The following RXRA variants were observed in gnomAD, a reference collection of about 807,000 sequenced individuals.
RXRA encodes retinoid X receptor alpha, also known as retinoic acid receptor RXR-alpha.
In RXRA, 5 loss-of-function variants were observed where a neutral mutation model predicts 44.5. The ratio of observed to expected loss-of-function variants is 0.11; its 90% CI spans 0.06 to 0.24. The LOEUF is 0.24. Ranked by LOEUF, RXRA falls within the 10% of genes least tolerant of loss-of-function variation. The pLI is 1.00. For missense variants in RXRA, 412 were observed against 646.5 expected, an observed-to-expected ratio of 0.64 and a Z score of 3.93; for synonymous variants, 291 against 271.4, an observed-to-expected ratio of 1.07 and a Z score of -0.71.
intron 1 of RXRA, among the ~76,000 whole-genome samples, chr9:134,352,407 T>G (rs1554749588): frequency 6.6e-6 from 1 of 152,020 alleles, no homozygotes; most frequent in Non-Finnish European, 1.5e-5. Context: ...CCACAATCCT[T>G]CCCTGCTTCT....
At chr9:134,338,364 GT>G (rs1830038669) in intron 1 of RXRA, among the ~76,000 whole-genome samples, 1 of 152,244 alleles carries the variant, frequency 6.6e-6, no homozygotes. Context: ...GCCTCCTCAT[GT>G]CAGGGTGCCC....
intron 2 of RXRA, chr9:134,402,173 A>G (rs1830974346): frequency 6.3e-6 from 3 of 477,940 alleles, no homozygotes; most frequent in African/African-American, 2.0e-5. Flanking sequence ...CCCTGTTCCC[A>G]TGACTGGGGG....
rs369923168 is a variant in RXRA, at chr9:134,424,321, G to A, written c.910+2516G>A. 10 of 985,386 alleles carry A rather than the reference G, an allele frequency of 1.0e-5. No homozygotes were observed. The African/African-American group carries it at 1.6e-4, about 15-fold the overall frequency. 61.0% of individuals were successfully genotyped at this position (985,386 alleles called of 1,614,324 possible). A position where few individuals can be genotyped will look rare whatever the true frequency, so the allele number is the denominator to read the frequency against. On this transcript the variant is annotated intron_variant, in intron 6 of 9. Coordinates refer to ENST00000481739, the MANE Select transcript of RXRA (RefSeq NM_002957.6). The stretch of plus-strand genomic sequence containing the variant: ...GCCATCCCGTGGCATCTCTGCGAGG[G>A]TGGCCTCTGCTCCTGCCCAGCGGCT...
chr9:134,397,490 C>A (rs1309158630), intron 1 of RXRA, among the ~76,000 whole-genome samples: 1 of 152,070 alleles, frequency 6.6e-6, no homozygotes, highest in African/African-American at 2.4e-5. Flanking sequence ...AGTTTTGTGC[C>A]AAGGGAGTGA....
In RXRA at chr9:134,364,208, G is replaced by A. The variant is rs543431671; in HGVS notation, c.29-37424G>A. On this transcript the variant is annotated intron_variant, in intron 1 of 9. Transcript: ENST00000481739. Reference sequence around the variant, plus strand: ...AGTGGGGTGAGGTCCACAGCGTCACGTGTAAGGTCCAGGCATCAGGGATGA... The same window carrying A: ...AGTGGGGTGAGGTCCACAGCGTCACATGTAAGGTCCAGGCATCAGGGATGA... Among the ~76,000 whole-genome samples, 7 of 152,334 alleles carry A rather than the reference G, an allele frequency of 4.6e-5. No homozygotes were observed. In the South Asian group the frequency reaches 1.0e-3, roughly 23 times the overall value.
At chr9:134,364,592 C>T (rs1830391785) in intron 1 of RXRA, among the ~76,000 whole-genome samples, 2 of 152,226 alleles carry the variant, frequency 1.3e-5, no homozygotes, top group Non-Finnish European at 1.5e-5. Context: ...CCCTTCTGGC[C>T]TTGGCCCCTG....
intron 2 of RXRA, 29 bp downstream of exon 2, chr9:134,401,911 G>A (rs1830968328): frequency 3.2e-6 from 5 of 1,541,202 alleles, no homozygotes; most frequent in Non-Finnish European, 4.4e-6. Context: ...CAAGGGGAGG[G>A]GGTGGGGCCT....
rs538966276 is a variant in RXRA, at chr9:134,343,817, G to A, written c.28+17158G>A. ...AAGCAGAGGATCTTCTGCAACTGTG[G>A]GGAAGAGTGTTTCTTCCCGGAAGGC... is the stretch of plus-strand genomic sequence containing the variant. On this transcript the variant is annotated intron_variant, in intron 1 of 9. Transcript: ENST00000481739. This position sits in a 1 kb window ranked among gnomAD's most constrained non-coding sequence, Gnocchi z 4.1. Among the ~76,000 whole-genome samples the A allele has an allele frequency of 5.9e-5, 9 of 152,246 alleles. No individual in the cohort carries two copies. The South Asian group carries it at 1.7e-3, about 28-fold the overall frequency.
intron 1 of RXRA, among the ~76,000 whole-genome samples, chr9:134,347,780 A>G (rs915257348): frequency 1.3e-5 from 2 of 152,150 alleles, no homozygotes; most frequent in Admixed American, 6.5e-5. Flanking sequence ...TGGGGCGGTC[A>G]GTTCAGAGCT....
chr9:134,393,821 C>T (rs1352102678), intron 1 of RXRA, among the ~76,000 whole-genome samples: 2 of 152,188 alleles, frequency 1.3e-5, no homozygotes, highest in Non-Finnish European at 2.9e-5. Flanking sequence ...CCACTTCCCT[C>T]ACTGTGGCTG....
chr9:134,418,817 C>T (rs1831281008), intron 5 of RXRA, among the ~76,000 whole-genome samples: 1 of 152,234 alleles, frequency 6.6e-6, no homozygotes, highest in Admixed American at 6.5e-5. Flanking sequence ...TGCTGCTCCT[C>T]ACCACCAGCT....
At chr9:134,425,886 C>G in intron 6 of RXRA, 1 of 985,306 alleles carries the variant, frequency 1.0e-6, no homozygotes, top group Middle Eastern at 5.2e-4. Context: ...GGTGTTATTA[C>G]TGTCCCTTGT....
chr9:134,429,031 G>T, intron 6 of RXRA, 77 bp from the exon 7 acceptor site: 2 of 1,567,466 alleles, frequency 1.3e-6, no homozygotes, highest in Non-Finnish European at 1.7e-6. Context: ...CCTCTGTAGG[G>T]TCCCACCAGG....
chr9:134,339,367 G>T (rs962841052), intron 1 of RXRA, among the ~76,000 whole-genome samples: 17 of 152,102 alleles, frequency 1.1e-4, no homozygotes, highest in African/African-American at 3.1e-4. Flanking sequence ...TTCCAGCCAG[G>T]GTTTGTGCGC....
Position 134,429,149 on chromosome 9 carries a change from A to G in RXRA, c.952A>G (p.Ile318Val), listed in dbSNP as rs143509964. 58 of 1,613,092 alleles carry G rather than the reference A, an allele frequency of 3.6e-5. No homozygotes were observed. The African/African-American group carries it at 5.5e-4, about 15-fold the overall frequency. ...CATCGCCTCCTTCTCCCACCGCTCC[A>G]TCGCCGTGAAGGACGGGATCCTCCT... is the stretch of plus-strand genomic sequence containing the variant. ...LLIASFSHRSIAVKDGILLAT... is the reference protein window; with the variant it reads ...LLIASFSHRSVAVKDGILLAT... The change falls in exon 7 of 10, where the codon ATC becomes GTC. Residue 318 changes from isoleucine to valine, a missense_variant. Ile to Val is a conservative substitution (Grantham distance 29). Around this residue, in one of 4 missense-constraint regions of RXRA, gnomAD observed 141 missense variants for 270.8 expected, o/e 0.52. Transcript: ENST00000481739.
rs1588299869 is a variant in RXRA at position 134,417,537 on chromosome 9, G to C, written c.780+210G>C. ...CACTCTCCTCTCCTGGCCCATGCAC[G>C]AGTAGCCCATGGGGCAGGGGCCAGG... On this transcript the variant is annotated intron_variant, in intron 5 of 9. Transcript: ENST00000481739. This position sits in a 1 kb window ranked among gnomAD's most constrained non-coding sequence, Gnocchi z 6.1. 6.6e-6 allele frequency among the ~76,000 whole-genome samples: 1 copy of C among 152,186 alleles called. No individual in the cohort carries two copies. Among genetic ancestry groups the C allele is most frequent in the South Asian group, 2.1e-4 (1 of 4,828 alleles).
rs530334225 is a variant in RXRA at position 134,377,325 on chromosome 9, G to A, written c.29-24307G>A. 7.9e-5 allele frequency among the ~76,000 whole-genome samples: 12 copies of A among 152,332 alleles called. No individual in the cohort carries two copies. In the South Asian group the frequency reaches 8.3e-4, roughly 11 times the overall value. ...GCTGTCCCACATGGAAGGCGATGGC[G>A]TTGTCCCCATCACTGCCTGACCAAG... On this transcript the variant is annotated intron_variant, in intron 1 of 9. Coordinates refer to ENST00000481739, the MANE Select transcript of RXRA (RefSeq NM_002957.6).
At chr9:134,401,970 CCTCTGGGA>C in intron 2 of RXRA, 88 bp downstream of exon 2, 7 of 1,113,840 alleles carry the variant, frequency 6.3e-6, no homozygotes, top group Non-Finnish European at 8.8e-6. Context: ...CATCTTGAGG[CCTCTGGGA>C]GGTAGGTGCT....
chr9:134,380,500 C>A (rs556423439), intron 1 of RXRA, among the ~76,000 whole-genome samples: 1 of 152,074 alleles, frequency 6.6e-6, no homozygotes, highest in African/African-American at 2.4e-5. Flanking sequence ...GGCGGCCCCC[C>A]CTGGGAGGAG....
Sources: allele counts gnomAD v4.1 joint callset (sites outside exome capture counted in the v4.1 genomes callset), GRCh38; gene constraint gnomAD v4.1.1; regional missense constraint gnomAD v4.1.1; non-coding constraint Gnocchi (gnomAD v3.1); transcripts MANE v1.5; gene names NCBI Gene and HGNC (gene_info 2026-07-23, HGNC 2026-07-21).